Variants in CHERP observed in about 807,000 individuals in gnomAD.
The protein encoded by CHERP is calcium homeostasis endoplasmic reticulum protein, also known as ERPROT 213-21.
Under a neutral mutation model 113.8 loss-of-function variants are expected in CHERP, and 8 were observed. The observed-to-expected ratio is 0.07, with a 90% CI of 0.04 to 0.13. CHERP has a LOEUF of 0.13. Among genes scored for constraint, CHERP ranks in the 10% least tolerant of loss-of-function variants. The probability of loss-of-function intolerance (pLI) is 1.00; values close to 1 mark genes in which losing one functional copy is unlikely to be tolerated. For missense variants in CHERP, 884 were observed against 1,298.2 expected, an observed-to-expected ratio of 0.68 and a Z score of 4.90; for synonymous variants, 559 against 524.5, an observed-to-expected ratio of 1.07 and a Z score of -0.90.
At chr19:16,536,780 G>A (rs971508863) in intron 2 of CHERP, among the ~76,000 whole-genome samples, 1 of 152,230 alleles carries the variant, frequency 6.6e-6, no homozygotes, top group Non-Finnish European at 1.5e-5. Context: ...ACTTTGGGAG[G>A]ACAAGGCGGG....
chr19:16,526,629 G>A (rs1290262926), intron 9 of CHERP, among the ~76,000 whole-genome samples: 7 of 152,184 alleles, frequency 4.6e-5, no homozygotes, highest in African/African-American at 1.7e-4. Context: ...CACCATGCCC[G>A]GCTATTTTTT....
At position 16,523,082 on chromosome 19, in the gene CHERP, G is replaced by C. The variant is rs758156052; in HGVS notation, c.1950C>G (p.Leu650=). The change falls in exon 11 of 17, where the codon CTC becomes CTG. Residue 650 remains leucine (L), a synonymous_variant. Coordinates refer to ENST00000546361, the MANE Select transcript of CHERP (RefSeq NM_006387.6). This position sits in a 1 kb window ranked among gnomAD's most constrained non-coding sequence, Gnocchi z 4.0. ...SLVPNVPYFD[L]PAGLMAPLVK... is the part of the protein sequence containing the mutation. ...CGAGGGGGGCCATCAGCCCAGCAGG[G>C]AGATCGAAGTAGGGCACATTGGGGA... 10 of 1,527,720 alleles carry C rather than the reference G, an allele frequency of 6.5e-6. No individual in the cohort carries two copies. The highest frequency in any genetic ancestry group is 8.8e-6 in the Non-Finnish European group (10 of 1,141,100). The allele number at this position is 1,527,720 out of a possible 1,614,324, so 94.6% of individuals were successfully genotyped here.
chr19:16,526,530 C>T (rs2085658723), intron 9 of CHERP, among the ~76,000 whole-genome samples: 1 of 149,962 alleles, frequency 6.7e-6, no homozygotes, highest in Non-Finnish European at 1.5e-5. Context: ...TGCAGTGGCG[C>T]GATCTTGGCT....
In CHERP at chr19:16,530,821, T is replaced by C; in HGVS notation, c.734A>G (p.Tyr245Cys). 1.9e-6 allele frequency: 3 copies of C among 1,613,874 alleles called. No homozygotes were observed. The highest frequency in any genetic ancestry group is 8.5e-7 in the Non-Finnish European group (1 of 1,179,962). ...AALQKVVVPI[Y>C]CTSFLAVEED... ...CTCCACGGCCAAGAAGCTGGTGCAG[T>C]AGATGGGCACCACGACCTTCTGCAG... The change falls in exon 6 of 17, where the codon TAC (tyrosine) becomes TGC (cysteine). Residue 245 changes from tyrosine (Y) to cysteine (C), a missense_variant. Coordinates refer to ENST00000546361, the MANE Select transcript of CHERP (RefSeq NM_006387.6). The surrounding 1 kb of genome is among the most constrained non-coding windows in gnomAD (Gnocchi z 4.1).
In CHERP at chr19:16,525,737, T is replaced by C; in HGVS notation, c.1306-60A>G. On this transcript the variant is annotated intron_variant, in intron 9 of 16. Transcript: ENST00000546361. This position sits in a 1 kb window ranked among gnomAD's most constrained non-coding sequence, Gnocchi z 6.5. ...GTCTAGGCCCTAGTGCTCGGCAGCA[T>C]CACAGCGCTCGGCAGCATCACAGCG... The C allele has an allele frequency of 7.2e-7, 1 of 1,380,958 alleles. No individual in the cohort carries two copies. Among genetic ancestry groups the C allele is most frequent in the Non-Finnish European group, 9.5e-7 (1 of 1,053,302 alleles). 85.5% of individuals were successfully genotyped at this position (1,380,958 alleles called of 1,614,324 possible).
intron 11 of CHERP, among the ~76,000 whole-genome samples, chr19:16,522,452 G>C (rs990592249): frequency 6.6e-6 from 1 of 152,118 alleles, no homozygotes; most frequent in African/African-American, 2.4e-5. Flanking sequence ...ATAGAGACGG[G>C]GTTTCACCGT....
rs528619775 is a variant in CHERP, at chr19:16,529,769, T to C, written c.1008A>G (p.Gln336=). 1.9e-5 allele frequency: 30 copies of C among 1,605,780 alleles called. No individual in the cohort carries two copies. The highest frequency in any genetic ancestry group is 8.9e-5 in the East Asian group (4 of 44,852). ...TSLAQQQQQQ[Q]QQQQQLQMPQ... ...GCATCTGGAGCTGCTGCTGCTGCTG[T>C]TGCTGCTGCTGCTGCTGCTGGGCCA... Residue 336 remains glutamine (Q), a synonymous_variant, in exon 8 of 17, where the codon CAA becomes CAG. Transcript: ENST00000546361.
In CHERP at chr19:16,519,980, C is replaced by T; in HGVS notation, c.2462+169G>A. On this transcript the variant is annotated intron_variant, in intron 15 of 16. Transcript: ENST00000546361. The surrounding 1 kb of genome is among the most constrained non-coding windows in gnomAD (Gnocchi z 6.0). Reference sequence around the variant, plus strand: ...AGAAAGCAGACCCCAGTTACTGCCTCAGGCTTCGCCAAGTGGCTACTGTGG... The same window carrying T: ...AGAAAGCAGACCCCAGTTACTGCCTTAGGCTTCGCCAAGTGGCTACTGTGG... The T allele has an allele frequency of 1.3e-6, 1 of 751,624 alleles. No individual in the cohort carries two copies. Among genetic ancestry groups the T allele is most frequent in the Non-Finnish European group, 2.2e-6 (1 of 456,210 alleles). 46.6% of individuals were successfully genotyped at this position (751,624 alleles called of 1,614,324 possible).
Position 16,535,147 on chromosome 19 carries a change from C to A in CHERP, c.384+305G>T, listed in dbSNP as rs1323704882. The stretch of plus-strand genomic sequence containing the variant: ...TGTGTGGTGGGGCCAATGGTAGGCA[C>A]CAGAGGCTGCCTGGCCACAGCCATT... On this transcript the variant is annotated intron_variant, in intron 3 of 16. Transcript: ENST00000546361. The surrounding 1 kb of genome is among the most constrained non-coding windows in gnomAD (Gnocchi z 4.3). 1.3e-5 allele frequency among the ~76,000 whole-genome samples: 2 copies of A among 152,304 alleles called. No homozygotes were observed. The highest frequency in any genetic ancestry group is 3.9e-4 in the East Asian group (2 of 5,184).
chr19:16,532,225 G>A lies in CHERP; in HGVS notation c.674+373C>T, dbSNP rs1021815119. Reference sequence around the variant, plus strand: ...TGTGTGCGTGCAAATCAGTGACGAGGGCAGGAGACAGACACAGAGGCCAAG... The same window carrying A: ...TGTGTGCGTGCAAATCAGTGACGAGAGCAGGAGACAGACACAGAGGCCAAG... On this transcript the variant is annotated intron_variant, in intron 5 of 16. Transcript: ENST00000546361. This position sits in a 1 kb window ranked among gnomAD's most constrained non-coding sequence, Gnocchi z 4.4. The A allele has an allele frequency of 1.3e-4, 28 of 212,504 alleles. No homozygotes were observed. Among genetic ancestry groups the A allele is most frequent in the South Asian group, 8.5e-4 (9 of 10,594 alleles). 13.2% of individuals were successfully genotyped at this position (212,504 alleles called of 1,614,324 possible). A position where few individuals can be genotyped will look rare whatever the true frequency, so the allele number is the denominator to read the frequency against.
In CHERP at chr19:16,535,897, T is replaced by C. The variant is rs529482139; in HGVS notation, c.200-261A>G. Among the ~76,000 whole-genome samples, 2 of 152,282 alleles carry C rather than the reference T, an allele frequency of 1.3e-5. No individual in the cohort carries two copies. The highest frequency in any genetic ancestry group is 4.1e-4 in the South Asian group (2 of 4,824). On this transcript the variant is annotated intron_variant, in intron 2 of 16. Transcript: ENST00000546361. This position sits in a 1 kb window ranked among gnomAD's most constrained non-coding sequence, Gnocchi z 4.3. The stretch of plus-strand genomic sequence containing the variant: ...CCTAGGAAGTCCCCTGGCCGCTCTC[T>C]CGCCAGCACCATCCAGTCCTTGCGC...
At position 16,519,533 on chromosome 19, in the gene CHERP, A is replaced by G. The variant is rs1318255487; in HGVS notation, c.2557+88T>C. On this transcript the variant is annotated intron_variant, in intron 16 of 16. Coordinates refer to ENST00000546361, the MANE Select transcript of CHERP (RefSeq NM_006387.6). The surrounding 1 kb of genome is among the most constrained non-coding windows in gnomAD (Gnocchi z 6.0). ...CCGGCCTGACTCCATCCATCCCCACATGCACTGAGGAAGAGAAAGCGCTGG... is the reference window on the plus strand; with the variant it reads ...CCGGCCTGACTCCATCCATCCCCACGTGCACTGAGGAAGAGAAAGCGCTGG... The G allele has an allele frequency of 3.0e-6, 4 of 1,322,334 alleles. No homozygotes were observed. Among genetic ancestry groups the G allele is most frequent in the Admixed American group, 1.7e-5 (1 of 58,564 alleles). 81.9% of individuals were successfully genotyped at this position (1,322,334 alleles called of 1,614,324 possible). A position where few individuals can be genotyped will look rare whatever the true frequency, so the allele number is the denominator to read the frequency against.
Position 16,523,441 on chromosome 19 carries a change from G to C in CHERP, c.1742-151C>G, listed in dbSNP as rs1200794984. The C allele has an allele frequency of 1.1e-6, 1 of 873,876 alleles. No homozygotes were observed. The highest frequency in any genetic ancestry group is 1.8e-5 in the African/African-American group (1 of 56,368). The allele number at this position is 873,876 out of a possible 1,614,324, so 54.1% of individuals were successfully genotyped here. On this transcript the variant is annotated intron_variant, in intron 10 of 16. Transcript: ENST00000546361. The surrounding 1 kb of genome is among the most constrained non-coding windows in gnomAD (Gnocchi z 4.0). ...TTCTCTCACTGCTTAAGACCAGGCA[G>C]CAAGGCACCGAGGAGCCAGGCTCCG...
chr19:16,530,834 C>G lies in CHERP; in HGVS notation c.721G>C (p.Val241Leu). ...AAGCTGGTGCAGTAGATGGGCACCA[C>G]GACCTTCTGCAGGGCGGCCAGCAGC... ...RELLAALQKV[V>L]VPIYCTSFLA... Residue 241 changes from valine (V) to leucine (L), a missense_variant, in exon 6 of 17, where the codon GTG becomes CTG. Coordinates refer to ENST00000546361, the MANE Select transcript of CHERP (RefSeq NM_006387.6). This position sits in a 1 kb window ranked among gnomAD's most constrained non-coding sequence, Gnocchi z 4.1. 6.2e-7 allele frequency: 1 copy of G among 1,613,842 alleles called. No homozygotes were observed. Among genetic ancestry groups the G allele is most frequent in the Non-Finnish European group, 8.5e-7 (1 of 1,179,970 alleles).
intron 1 of CHERP, 81 bp from the exon 2 acceptor site, chr19:16,542,124 C>CTT (rs1240636132): frequency 6.8e-7 from 1 of 1,471,432 alleles, no homozygotes; most frequent in Non-Finnish European, 9.1e-7. Context: ...AGCCCCCGTC[C>CTT]GCCTTGCCGG....
chr19:16,521,774 A>C, intron 11 of CHERP, 120 bp from the exon 12 acceptor site: 2 of 908,652 alleles, frequency 2.2e-6, no homozygotes, highest in Non-Finnish European at 3.1e-6. Context: ...TACCCTGGGC[A>C]CCAGAGCTCC....
intron 8 of CHERP, among the ~76,000 whole-genome samples, chr19:16,528,516 G>A (rs1265121445): frequency 6.6e-6 from 1 of 152,220 alleles, no homozygotes; most frequent in African/African-American, 2.4e-5. Flanking sequence ...TTGGTTTGCT[G>A]AAGAATTTCT....
chr19:16,527,881 G>A (rs527625285), intron 9 of CHERP, among the ~76,000 whole-genome samples, 199 bp downstream of exon 9: 2 of 152,324 alleles, frequency 1.3e-5, no homozygotes, highest in Non-Finnish European at 2.9e-5. Flanking sequence ...CTCGGGGAAG[G>A]GACGTGAAGA....
chr19:16,532,863 G>C lies in CHERP; in HGVS notation c.523-114C>G, dbSNP rs2085716178. The C allele has an allele frequency of 6.5e-7, 1 of 1,532,742 alleles. No homozygotes were observed. Among genetic ancestry groups the C allele is most frequent in the Non-Finnish European group, 8.8e-7 (1 of 1,134,598 alleles). 94.9% of individuals were successfully genotyped at this position (1,532,742 alleles called of 1,614,324 possible). A position where few individuals can be genotyped will look rare whatever the true frequency, so the allele number is the denominator to read the frequency against. ...AGGGAAGGACACACCATGAGCGTGGGGGGCACAGGGTCCCACAGCCTCAGG... is the reference window on the plus strand; with the variant it reads ...AGGGAAGGACACACCATGAGCGTGGCGGGCACAGGGTCCCACAGCCTCAGG... On this transcript the variant is annotated intron_variant, in intron 4 of 16. Transcript: ENST00000546361. The surrounding 1 kb of genome is among the most constrained non-coding windows in gnomAD (Gnocchi z 4.4).
Sources: allele counts gnomAD v4.1 joint callset (sites outside exome capture counted in the v4.1 genomes callset), GRCh38; gene constraint gnomAD v4.1.1; non-coding constraint Gnocchi (gnomAD v3.1); transcripts MANE v1.5; gene names NCBI Gene and HGNC (gene_info 2026-07-23, HGNC 2026-07-21).